The following TTC23L variants were observed in gnomAD, a reference collection of about 807,000 sequenced individuals.
TTC23L encodes the protein tetratricopeptide repeat protein 23-like.
Under a neutral mutation model 48.1 loss-of-function variants are expected in TTC23L, and 42 were observed. The observed-to-expected ratio is 0.87, with a 90% CI of 0.68 to 1.13. The LOEUF (loss-of-function observed/expected upper bound fraction) is 1.13, where lower values mean the gene tolerates loss of function less well. TTC23L is among the 50% of genes most tolerant of loss of function. TTC23L has a pLI of 0.00. For missense variants in TTC23L, 391 were observed against 421.0 expected (o/e 0.93, Z 0.62); for synonymous variants, 159 against 157.2 (o/e 1.01, Z -0.09).
the TTC23L span, chr5:34,924,892 G>C: frequency 2.5e-6 from 4 of 1,608,086 alleles, no homozygotes; most frequent in East Asian, 6.7e-5. Context: ...ACCTCGTTTT[G>C]TCTTAAATCT....
the TTC23L span, among the ~76,000 whole-genome samples, chr5:34,912,709 T>C: frequency 1.3e-5 from 2 of 151,980 alleles, no homozygotes; most frequent in Non-Finnish European, 2.9e-5. Context: ...TTAAAGAAAA[T>C]CATTCGGCAA....
chr5:34,884,148 T>C (rs1762408019), intron 9 of TTC23L, among the ~76,000 whole-genome samples: 1 of 152,034 alleles, frequency 6.6e-6, no homozygotes, highest in South Asian at 2.1e-4. Flanking sequence ...GAATGAAGGA[T>C]AAAAGTCAGA....
At chr5:34,901,992 CG>C (rs761028210), downstream of TTC23L, among the ~76,000 whole-genome samples, 1 of 152,154 alleles carries the variant, frequency 6.6e-6, no homozygotes, top group Non-Finnish European at 1.5e-5. Context: ...GTATATCTAG[CG>C]AAAGAATTTG....
chr5:34,883,479 G>T, intron 9 of TTC23L: 1 of 171,742 alleles, frequency 5.8e-6, no homozygotes, highest in South Asian at 1.5e-4. Context: ...CACTTTGTGA[G>T]AACTAATGGG....
the TTC23L span, chr5:34,913,867 A>G: frequency 2.1e-6 from 1 of 474,532 alleles, no homozygotes; most frequent in Non-Finnish European, 4.1e-6. Flanking sequence ...ATGCATGAGC[A>G]ACATTAGTTT....
intron 4 of TTC23L, among the ~76,000 whole-genome samples, chr5:34,859,843 T>C (rs336467): frequency 0.01 from 894 of 87,386 alleles, 3 homozygotes; most frequent in African/African-American, 0.048. Context: ...TCTTCTTCTT[T>C]TTTTTTTTTT....
At chr5:34,914,867 T>G in the TTC23L span, 1 of 1,614,142 alleles carries the variant, frequency 6.2e-7, no homozygotes, top group Non-Finnish European at 8.5e-7. Flanking sequence ...ATCCTCGTCT[T>G]GGATCTGTTG....
chr5:34,892,343 A>C (rs192632590), intron 9 of TTC23L, among the ~76,000 whole-genome samples: 179 of 152,316 alleles, frequency 1.2e-3, no homozygotes, highest in African/African-American at 4.2e-3. Flanking sequence ...GTTAATTTCA[A>C]GGTTAAATGA....
At chr5:34,914,555 TTTATTTATTAAG>T in the TTC23L span, 1 of 776,268 alleles carries the variant, frequency 1.3e-6, no homozygotes, top group East Asian at 2.7e-5. Context: ...AAGACTATTA[TTTATTTATTAAG>T]TTATTTATTA....
At chr5:34,883,696 A>G (rs1026722551) in intron 9 of TTC23L, among the ~76,000 whole-genome samples, 14 of 152,256 alleles carry the variant, frequency 9.2e-5, no homozygotes, top group African/African-American at 2.9e-4. Flanking sequence ...AATTCTAGAA[A>G]CATATTACCT....
chr5:34,901,927 A>G (rs1365887755), downstream of TTC23L, among the ~76,000 whole-genome samples: 2 of 152,210 alleles, frequency 1.3e-5, no homozygotes, highest in Non-Finnish European at 2.9e-5. Context: ...TTGTTTTAGG[A>G]ACAGAATACT....
intron 9 of TTC23L, chr5:34,888,604 A>G (rs534145947): frequency 1.3e-6 from 1 of 798,188 alleles, no homozygotes; most frequent in Non-Finnish European, 1.5e-6. Flanking sequence ...GGCCTCTCCC[A>G]GTTCAACCAG....
chr5:34,884,848 C>T (rs1322102865), intron 9 of TTC23L, among the ~76,000 whole-genome samples: 1 of 152,142 alleles, frequency 6.6e-6, no homozygotes, highest in Non-Finnish European at 1.5e-5. Flanking sequence ...GATTTATTGG[C>T]AGTGTTCTCT....
the TTC23L span, chr5:34,916,532 T>G: frequency 6.6e-6 from 1 of 152,256 alleles, no homozygotes; most frequent in African/African-American, 2.4e-5. Flanking sequence ...CCTGAAATGT[T>G]GGAGTTTAGG....
At chr5:34,846,008 C>T (rs1006652128) in intron 3 of TTC23L, among the ~76,000 whole-genome samples, 2 of 151,948 alleles carry the variant, frequency 1.3e-5, no homozygotes, top group African/African-American at 4.8e-5. Flanking sequence ...CATAGTGAGA[C>T]CCTGTCTCTA....
intron 8 of TTC23L, among the ~76,000 whole-genome samples, chr5:34,871,233 G>A (rs1761432237): frequency 6.6e-6 from 1 of 152,058 alleles, no homozygotes; most frequent in Non-Finnish European, 1.5e-5. Flanking sequence ...AGGATACAAG[G>A]TCAATGCACA....
At chr5:34,842,691 G>T (rs557779186) in intron 2 of TTC23L, among the ~76,000 whole-genome samples, 2 of 152,152 alleles carry the variant, frequency 1.3e-5, no homozygotes, top group Non-Finnish European at 2.9e-5. Flanking sequence ...TAACCTCAGC[G>T]CTAGGGAGTG....
chr5:34,892,741 T>C (rs1762947956), intron 9 of TTC23L, among the ~76,000 whole-genome samples: 1 of 152,136 alleles, frequency 6.6e-6, no homozygotes, highest in Non-Finnish European at 1.5e-5. Flanking sequence ...CCAAGTTGCA[T>C]GAACAGAAGC....
At chr5:34,915,840 C>T in the TTC23L span, 1 of 1,569,808 alleles carries the variant, frequency 6.4e-7, no homozygotes, top group Non-Finnish European at 8.6e-7. Context: ...AGCGGCACGC[C>T]ACAGCAGAGG....
Sources: allele counts gnomAD v4.1 joint callset (sites outside exome capture counted in the v4.1 genomes callset), GRCh38; gene constraint gnomAD v4.1.1; transcripts MANE v1.5; gene names NCBI Gene and HGNC (gene_info 2026-07-23, HGNC 2026-07-21).